The following PRKN variants were observed in gnomAD, a reference collection of about 807,000 sequenced individuals.
PRKN encodes the protein parkin RBR E3 ubiquitin protein ligase.
A neutral mutation model predicts 59.5 loss-of-function variants in PRKN; 56 were observed. The observed-to-expected ratio is 0.94, with a 90% confidence interval of 0.76 to 1.18. The LOEUF (loss-of-function observed/expected upper bound fraction) is 1.18. PRKN is among the 50% of genes most tolerant of loss of function. PRKN has a pLI of 0.00. For missense variants in PRKN, 657 were observed against 596.4 expected (o/e 1.10, Z -1.06); for synonymous variants, 250 against 222.1 (o/e 1.13, Z -1.12).
At chr6:161,364,609 T>C (rs1244997724) in intron 10 of PRKN, among the ~76,000 whole-genome samples, 1 of 151,592 alleles carries the variant, frequency 6.6e-6, no homozygotes, top group African/African-American at 2.4e-5. Context: ...AAATACTGAT[T>C]GTCTAAAACT....
intron 2 of PRKN, among the ~76,000 whole-genome samples, chr6:162,393,155 CTTTTTT>C (rs1177332315): frequency 1.2e-5 from 1 of 80,188 alleles, no homozygotes; most frequent in African/African-American, 5.4e-5. Flanking sequence ...ATAGGAGATT[CTTTTTT>C]TTTTTTTTTT....
intron 4 of PRKN, among the ~76,000 whole-genome samples, chr6:162,066,448 A>C (rs1228921630): frequency 1.3e-4 from 20 of 152,300 alleles, no homozygotes; most frequent in Non-Finnish European, 2.8e-4. Context: ...GTCCCCTAAA[A>C]TTCATGTGTT....
At chr6:162,395,706 A>G (rs1023271102) in intron 2 of PRKN, among the ~76,000 whole-genome samples, 1 of 152,138 alleles carries the variant, frequency 6.6e-6, no homozygotes, top group African/African-American at 2.4e-5. Flanking sequence ...AAAAAAAAAA[A>G]GAAAGTTCTT....
At chr6:161,839,331 C>T (rs191468127) in intron 6 of PRKN, among the ~76,000 whole-genome samples, 6 of 152,148 alleles carry the variant, frequency 3.9e-5, no homozygotes, top group African/African-American at 7.2e-5. Flanking sequence ...ACAATGTGCA[C>T]GTGGGGATAA....
chr6:162,001,765 A>AGTATGAT (rs1288035345), intron 5 of PRKN, among the ~76,000 whole-genome samples: 2 of 149,568 alleles, frequency 1.3e-5, no homozygotes, highest in African/African-American at 4.9e-5. Flanking sequence ...CTCACCATTG[A>AGTATGAT]GTATGATGCC....
intron 1 of PRKN, among the ~76,000 whole-genome samples, chr6:162,450,351 T>C (rs1476672829): frequency 4.3e-5 from 4 of 92,234 alleles, no homozygotes; most frequent in South Asian, 3.6e-4. Flanking sequence ...GTAATCCCCC[T>C]GTGAATGTAA....
chr6:162,727,345 C>CGGCGGCGGGGCGAAGGTGAG, intron 1 of PRKN: 2 of 311,060 alleles, frequency 6.4e-6, no homozygotes, highest in Non-Finnish European at 1.1e-5. Flanking sequence ...GAGAAGGCTT[C>CGGCGGCGGGGCGAAGGTGAG]GGGACCCCAC....
At chr6:162,124,906 A>T (rs1488411531) in intron 4 of PRKN, among the ~76,000 whole-genome samples, 2 of 152,196 alleles carry the variant, frequency 1.3e-5, no homozygotes, top group African/African-American at 4.8e-5. Context: ...AAGAATGACT[A>T]AGAAGGAATG....
chr6:161,992,294 C>T (rs950182858), intron 5 of PRKN, among the ~76,000 whole-genome samples: 3 of 151,924 alleles, frequency 2.0e-5, no homozygotes, highest in African/African-American at 7.3e-5. Flanking sequence ...GAACTGAGAT[C>T]GAGCCACAGC....
chr6:162,145,901 T>A (rs1562539934), intron 4 of PRKN, among the ~76,000 whole-genome samples: 1 of 152,210 alleles, frequency 6.6e-6, no homozygotes, highest in Non-Finnish European at 1.5e-5. Flanking sequence ...AGACTTGGCC[T>A]GTAATCAGTC....
rs767564567 is a variant in PRKN, at chr6:161,456,086, T to C, written c.1084-69209A>G. 2.6e-5 allele frequency among the ~76,000 whole-genome samples: 4 copies of C among 152,100 alleles called. No homozygotes were observed. Among genetic ancestry groups the C allele is most frequent in the Non-Finnish European group, 4.4e-5 (3 of 68,004 alleles). On this transcript the variant is annotated intron_variant, in intron 9 of 11. Coordinates refer to ENST00000366898, the MANE Select transcript of PRKN (RefSeq NM_004562.3). This position sits in a 1 kb window ranked among gnomAD's most constrained non-coding sequence, Gnocchi z 4.8. The stretch of plus-strand genomic sequence containing the variant: ...GGCTCCTGTGTTGTGATGGTTAATA[T>C]TGAGTGTCAACTTGATTGGATTGAA...
intron 6 of PRKN, among the ~76,000 whole-genome samples, chr6:161,914,610 T>C (rs1248665160): frequency 6.6e-6 from 1 of 152,132 alleles, no homozygotes; most frequent in South Asian, 2.1e-4. Flanking sequence ...AGCTCTGCCA[T>C]AACCCAAAGC....
At chr6:162,719,207 G>A (rs567679417) in intron 1 of PRKN, among the ~76,000 whole-genome samples, 2 of 152,208 alleles carry the variant, frequency 1.3e-5, no homozygotes, top group East Asian at 1.9e-4. Context: ...ATGTAAAAAC[G>A]TCTTTATATA....
intron 7 of PRKN, among the ~76,000 whole-genome samples, chr6:161,703,832 TCTCTCTC>T (rs1473615647): frequency 1.8e-4 from 22 of 125,260 alleles, no homozygotes; most frequent in Non-Finnish European, 2.7e-4. Flanking sequence ...TCTCTCTCTC[TCTCTCTC>T]TTTTTTTTTT....
chr6:162,210,911 A>T (rs1785173784), intron 3 of PRKN, among the ~76,000 whole-genome samples: 1 of 152,212 alleles, frequency 6.6e-6, no homozygotes, highest in South Asian at 2.1e-4. Flanking sequence ...ATGTATTTCA[A>T]AATTTAATAT....
At chr6:162,113,418 T>C (rs889815913) in intron 4 of PRKN, among the ~76,000 whole-genome samples, 5 of 152,196 alleles carry the variant, frequency 3.3e-5, no homozygotes, top group African/African-American at 1.2e-4. Context: ...TTAGAACTTA[T>C]GCTATTAAAC....
intron 1 of PRKN, among the ~76,000 whole-genome samples, chr6:162,634,193 T>C (rs763128886): frequency 6.6e-6 from 1 of 152,192 alleles, no homozygotes; most frequent in Non-Finnish European, 1.5e-5. Context: ...TGTGGACATC[T>C]ACCCTCACAG....
At chr6:162,155,865 G>T (rs78607580) in intron 4 of PRKN, among the ~76,000 whole-genome samples, 1 of 151,428 alleles carries the variant, frequency 6.6e-6, no homozygotes, top group Non-Finnish European at 1.5e-5. Context: ...AAACCAAAAC[G>T]TGATAAGTGA....
rs1781795598 is a variant in PRKN, at chr6:161,593,409, G to A, written c.872-23993C>T. On this transcript the variant is annotated intron_variant, in intron 7 of 11. Transcript: ENST00000366898. The surrounding 1 kb of genome is among the most constrained non-coding windows in gnomAD (Gnocchi z 4.8). ...TAATATATGGTGAGGCTGGTTTCAA[G>A]CTAATATTGGCCAATCCCCAACCCT... Among the ~76,000 whole-genome samples the A allele has an allele frequency of 6.6e-6, 1 of 152,148 alleles. No homozygotes were observed. Among genetic ancestry groups the A allele is most frequent in the African/African-American group, 2.4e-5 (1 of 41,436 alleles).
Sources: gnomAD v4.1 joint callset for allele counts (sites outside exome capture counted in the v4.1 genomes callset) on GRCh38, gnomAD v4.1.1 for gene constraint, Gnocchi (gnomAD v3.1) non-coding constraint, MANE v1.5 for transcripts, NCBI Gene and HGNC (gene_info 2026-07-23, HGNC 2026-07-21) for gene names.